Variants in PACSIN1 observed in about 807,000 individuals in gnomAD.
The protein encoded by PACSIN1 is protein kinase C and casein kinase substrate in neurons protein 1.
PACSIN1 carries 15 observed loss-of-function variants against 59.5 expected under a neutral mutation model. The observed-to-expected ratio is 0.25, with a 90% CI of 0.17 to 0.39. The LOEUF is 0.39. PACSIN1 is among the 10% of genes least tolerant of loss of function. The pLI is 1.00. For synonymous variants in PACSIN1, 210 were observed against 220.6 expected (o/e 0.95, Z 0.42); for missense variants, 420 against 580.2 (o/e 0.72, Z 2.84).
At chr6:34,505,979 C>G (rs1767106093) in intron 1 of PACSIN1, among the ~76,000 whole-genome samples, 1 of 152,068 alleles carries the variant, frequency 6.6e-6, no homozygotes, top group Non-Finnish European at 1.5e-5. Context: ...ATCCAGTGAG[C>G]TTTCTAAAAT....
chr6:34,480,721 C>T (rs1242064104), intron 1 of PACSIN1, among the ~76,000 whole-genome samples: 1 of 152,036 alleles, frequency 6.6e-6, no homozygotes, highest in Non-Finnish European at 1.5e-5. Context: ...TAAACATATG[C>T]ATGCAGTTCT....
chr6:34,507,783 T>G (rs1025133956), intron 1 of PACSIN1, among the ~76,000 whole-genome samples: 3 of 152,224 alleles, frequency 2.0e-5, no homozygotes, highest in Non-Finnish European at 2.9e-5. Context: ...AGATACCTCA[T>G]GTAAGTGGAA....
Position 34,529,424 on chromosome 6 carries a change from T to G in PACSIN1, c.484T>G (p.Leu162Val), listed in dbSNP as rs773810544. 5.6e-6 allele frequency: 9 copies of G among 1,613,950 alleles called. No homozygotes were observed. In the African/African-American group the frequency reaches 1.2e-4, roughly 22 times the overall value. The change falls in exon 5 of 10, where the codon TTG becomes GTG. Residue 162 changes from leucine to valine, a missense_variant. Transcript: ENST00000244458. The surrounding 1 kb of genome is among the most constrained non-coding windows in gnomAD (Gnocchi z 6.3). ...GGAGGCAGCCAAGAAGGCCTACCAT[T>G]TGGCTTGCAAAGAGGAAAAGCTGGC... ...ELEAAKKAYHLACKEEKLAMT... is the reference protein window; with the variant it reads ...ELEAAKKAYHVACKEEKLAMT...
In PACSIN1 at chr6:34,516,830, G is replaced by A. The variant is rs1024367502; in HGVS notation, c.-63-9413G>A. On this transcript the variant is annotated intron_variant, in intron 1 of 9. Coordinates refer to ENST00000244458, the MANE Select transcript of PACSIN1 (RefSeq NM_020804.5). The surrounding 1 kb of genome is among the most constrained non-coding windows in gnomAD (Gnocchi z 5.4). Reference sequence around the variant, plus strand: ...AGCCCAGGGCACCTGCCTGGAAGCCGGATTGAGACTTGACCTCCCCTGGCA... The same window carrying A: ...AGCCCAGGGCACCTGCCTGGAAGCCAGATTGAGACTTGACCTCCCCTGGCA... Among the ~76,000 whole-genome samples, 7 of 152,180 alleles carry A rather than the reference G, an allele frequency of 4.6e-5. No individual in the cohort carries two copies. The highest frequency in any genetic ancestry group is 2.1e-4 in the South Asian group (1 of 4,834).
chr6:34,498,999 A>T (rs9368820), intron 1 of PACSIN1, among the ~76,000 whole-genome samples: 52,224 of 151,440 alleles, frequency 0.34, 10,756 homozygotes, highest in Middle Eastern at 0.51. Flanking sequence ...GGGTTGGGGG[A>T]TGATTCAAGC....
chr6:34,473,416 T>C (rs1274708512), intron 1 of PACSIN1, among the ~76,000 whole-genome samples: 1 of 152,158 alleles, frequency 6.6e-6, no homozygotes, highest in East Asian at 1.9e-4. Context: ...TCAGCCTCAT[T>C]GGACCTTGTG....
chr6:34,472,371 T>C (rs1766584210), intron 1 of PACSIN1, among the ~76,000 whole-genome samples: 1 of 151,074 alleles, frequency 6.6e-6, no homozygotes, highest in East Asian at 1.9e-4. Flanking sequence ...TACATAACAA[T>C]GTGTAGAAGG....
intron 1 of PACSIN1, among the ~76,000 whole-genome samples, chr6:34,492,645 G>A (rs1357455260): frequency 2.6e-5 from 4 of 152,212 alleles, no homozygotes; most frequent in African/African-American, 9.6e-5. Flanking sequence ...GCCTCCCAAA[G>A]TGCTGGGATT....
rs564344597 is a variant in PACSIN1, at chr6:34,533,891, G to C, written c.*1361G>C. The C allele has an allele frequency of 5.9e-5, 9 of 152,270 alleles. No homozygotes were observed. The highest frequency in any genetic ancestry group is 2.2e-4 in the African/African-American group (9 of 41,430). The allele number at this position is 152,270 out of a possible 1,614,324, so 9.4% of individuals were successfully genotyped here. A position where few individuals can be genotyped will look rare whatever the true frequency, so the allele number is the denominator to read the frequency against. On this transcript the variant is annotated 3_prime_UTR_variant, in exon 10 of 10. Transcript: ENST00000244458. ...GAAAGCAGTGGTGCCGGAGTGCTAG[G>C]TACCGCACGAGAGGGTGCGGGGGCT... is the stretch of plus-strand genomic sequence containing the variant.
Position 34,529,483 on chromosome 6 carries a change from A to G in PACSIN1, c.543A>G (p.Gln181=). 6.2e-7 allele frequency: 1 copy of G among 1,614,044 alleles called. No individual in the cohort carries two copies. The highest frequency in any genetic ancestry group is 1.7e-5 in the Admixed American group (1 of 59,998). Residue 181 remains glutamine, a synonymous_variant, in exon 5 of 10, where the codon CAA becomes CAG. Transcript: ENST00000244458. This position sits in a 1 kb window ranked among gnomAD's most constrained non-coding sequence, Gnocchi z 6.3. ...GGGAGATGAACAGCAAGACGGAGCAATCGGTCACACCTGAGCAGCAAAAGA... is the reference window on the plus strand; with the variant it reads ...GGGAGATGAACAGCAAGACGGAGCAGTCGGTCACACCTGAGCAGCAAAAGA... ...MTREMNSKTE[Q]SVTPEQQKKL...
intron 1 of PACSIN1, among the ~76,000 whole-genome samples, chr6:34,478,502 A>G (rs1227572069): frequency 6.7e-6 from 1 of 149,214 alleles, no homozygotes; most frequent in African/African-American, 2.5e-5. Flanking sequence ...GCTCCTGAGT[A>G]GCTGGGATTG....
intron 1 of PACSIN1, among the ~76,000 whole-genome samples, chr6:34,468,732 C>T (rs1237309568): frequency 6.6e-6 from 1 of 152,232 alleles, no homozygotes; most frequent in Admixed American, 6.5e-5. Context: ...CTGGGAACCC[C>T]ACCCATGATC....
intron 1 of PACSIN1, among the ~76,000 whole-genome samples, chr6:34,506,580 T>G (rs1477266361): frequency 6.6e-6 from 1 of 152,236 alleles, no homozygotes; most frequent in Non-Finnish European, 1.5e-5. Flanking sequence ...CGGATCTTCT[T>G]GAAATCTGTT....
intron 1 of PACSIN1, among the ~76,000 whole-genome samples, chr6:34,504,450 C>T (rs906136798): frequency 7.9e-5 from 12 of 151,994 alleles, no homozygotes; most frequent in Admixed American, 2.6e-4. Context: ...AACACCGCAC[C>T]CAGATAATTT....
At chr6:34,486,832 A>G (rs979833857) in intron 1 of PACSIN1, among the ~76,000 whole-genome samples, 1 of 151,346 alleles carries the variant, frequency 6.6e-6, no homozygotes, top group African/African-American at 2.4e-5. Context: ...CCCTGGCTGC[A>G]CATTAGAATT....
At position 34,514,706 on chromosome 6, in the gene PACSIN1, G is replaced by T. The variant is rs369507511; in HGVS notation, c.-63-11537G>T. Reference sequence around the variant, plus strand: ...TGCGTGCCCATGTTGATGCGGCGCCGTGCGGGAGGCGGGCATCCCCTGCTG... The same window carrying T: ...TGCGTGCCCATGTTGATGCGGCGCCTTGCGGGAGGCGGGCATCCCCTGCTG... On this transcript the variant is annotated intron_variant, in intron 1 of 9. Transcript: ENST00000244458. The surrounding 1 kb of genome is among the most constrained non-coding windows in gnomAD (Gnocchi z 4.4). Among the ~76,000 whole-genome samples, 1 of 152,232 alleles carries T rather than the reference G, an allele frequency of 6.6e-6. No individual in the cohort carries two copies. Among genetic ancestry groups the T allele is most frequent in the Non-Finnish European group, 1.5e-5 (1 of 68,048 alleles).
chr6:34,529,560 C>T lies in PACSIN1; in HGVS notation c.612+8C>T, dbSNP rs772717175. ...AAGCAGGATGTGCAGAAGGTGCTGG[C>T]GGGCAGGGATGGCAGTAGGGGGTCT... On this transcript the variant is annotated splice_region_variant and intron_variant, in intron 5 of 9. Transcript: ENST00000244458. This position sits in a 1 kb window ranked among gnomAD's most constrained non-coding sequence, Gnocchi z 6.3. 3.7e-6 allele frequency: 6 copies of T among 1,613,734 alleles called. No homozygotes were observed. Among genetic ancestry groups the T allele is most frequent in the Admixed American group, 3.3e-5 (2 of 59,976 alleles).
intron 1 of PACSIN1, among the ~76,000 whole-genome samples, chr6:34,486,077 C>T (rs1429863209): frequency 6.6e-6 from 1 of 152,090 alleles, no homozygotes; most frequent in African/African-American, 2.4e-5. Flanking sequence ...GAAAGATTCT[C>T]ATGTGAGGGA....
At chr6:34,468,191 T>C (rs1766524593) in intron 1 of PACSIN1, among the ~76,000 whole-genome samples, 1 of 152,190 alleles carries the variant, frequency 6.6e-6, no homozygotes, top group Non-Finnish European at 1.5e-5. Context: ...ATGACCCTAG[T>C]GTGTGGAGGA....
Sources: gnomAD v4.1 joint callset for allele counts (sites outside exome capture counted in the v4.1 genomes callset) on GRCh38, gnomAD v4.1.1 for gene constraint, Gnocchi (gnomAD v3.1) non-coding constraint, MANE v1.5 for transcripts, NCBI Gene and HGNC (gene_info 2026-07-23, HGNC 2026-07-21) for gene names.